The following CAMK2D variants were observed in gnomAD, a reference collection of about 807,000 sequenced individuals.
CAMK2D encodes calcium/calmodulin-dependent protein kinase type II subunit delta.
In CAMK2D, 37 loss-of-function variants were observed where a neutral mutation model predicts 84.0. That is an observed-to-expected ratio of 0.44 (90% CI 0.34 to 0.58). CAMK2D has a LOEUF of 0.58. CAMK2D is among the 20% of genes least tolerant of loss of function. The probability of loss-of-function intolerance (pLI) is 0.02; values close to 1 mark genes in which losing one functional copy is unlikely to be tolerated. For synonymous variants in CAMK2D, 202 were observed against 212.5 expected (o/e 0.95, Z 0.43); for missense variants, 448 against 652.5 (o/e 0.69, Z 3.41).
chr4:113,697,822 C>G (rs1242197049), intron 2 of CAMK2D, among the ~76,000 whole-genome samples: 1 of 152,038 alleles, frequency 6.6e-6, no homozygotes, highest in African/African-American at 2.4e-5. Context: ...GAATTAAACT[C>G]CGAAGAACAA....
intron 2 of CAMK2D, among the ~76,000 whole-genome samples, chr4:113,711,403 CT>C (rs1363354169): frequency 6.6e-6 from 1 of 151,892 alleles, no homozygotes; most frequent in Non-Finnish European, 1.5e-5. Context: ...GAAAATAATA[CT>C]GAGAAATAAA....
chr4:113,624,433 T>C (rs999428119), intron 3 of CAMK2D, among the ~76,000 whole-genome samples: 1 of 152,230 alleles, frequency 6.6e-6, no homozygotes, highest in Non-Finnish European at 1.5e-5. Context: ...TTTGCTGTTG[T>C]ACTTACATGC....
chr4:113,575,393 C>G (rs1026858925), intron 4 of CAMK2D, among the ~76,000 whole-genome samples: 2 of 152,136 alleles, frequency 1.3e-5, no homozygotes, highest in Non-Finnish European at 1.5e-5. Context: ...AGCTCCAAAA[C>G]TTTATTTAAT....
At chr4:113,746,700 T>C (rs1029973811) in intron 2 of CAMK2D, among the ~76,000 whole-genome samples, 2 of 152,120 alleles carry the variant, frequency 1.3e-5, no homozygotes, top group Admixed American at 6.6e-5. Context: ...GTCTCAATCC[T>C]ATCTATAGGA....
chr4:113,629,985 G>C (rs533889815), intron 3 of CAMK2D, among the ~76,000 whole-genome samples: 53 of 151,898 alleles, frequency 3.5e-4, no homozygotes, highest in Admixed American at 6.6e-4. Flanking sequence ...GCAGTATGAT[G>C]AATCAGGCTC....
At chr4:113,689,796 CAA>C (rs892864978) in intron 2 of CAMK2D, among the ~76,000 whole-genome samples, 2 of 152,176 alleles carry the variant, frequency 1.3e-5, no homozygotes, top group African/African-American at 4.8e-5. Context: ...CATTTTATCA[CAA>C]GTTTGACAAC....
rs549189416 is a variant in CAMK2D at position 113,566,667 on chromosome 4, T to C, written c.276-14571A>G. On this transcript the variant is annotated intron_variant, in intron 4 of 20. Coordinates refer to ENST00000511664, the MANE Select transcript of CAMK2D (RefSeq NM_001321571.2). Reference sequence around the variant, plus strand: ...GGACTTGGGATGTTTCATGCCACACTGGCCTTTGTTCTGCTCCTCATTGAA... The same window carrying C: ...GGACTTGGGATGTTTCATGCCACACCGGCCTTTGTTCTGCTCCTCATTGAA... Among the ~76,000 whole-genome samples, 3 of 152,302 alleles carry C rather than the reference T, an allele frequency of 2.0e-5. No individual in the cohort carries two copies. In the South Asian group the frequency reaches 6.2e-4, roughly 32 times the overall value.
intron 16 of CAMK2D, among the ~76,000 whole-genome samples, chr4:113,498,183 G>C (rs2097968999): frequency 6.6e-6 from 1 of 152,178 alleles, no homozygotes; most frequent in South Asian, 2.1e-4. Flanking sequence ...GTAAAAATAA[G>C]AGAGCATAAT....
At position 113,756,758 on chromosome 4, in the gene CAMK2D, C is replaced by T. The variant is rs79558148; in HGVS notation, c.160+2562G>A. Among the ~76,000 whole-genome samples the T allele has an allele frequency of 2.2e-3, 329 of 152,138 alleles. 1 individual carries two copies. The highest frequency in any genetic ancestry group is 4.1e-3 in the South Asian group (20 of 4,826). On this transcript the variant is annotated intron_variant, in intron 2 of 20. Coordinates refer to ENST00000511664, the MANE Select transcript of CAMK2D (RefSeq NM_001321571.2). ...ATTCTTGTTACTCTGTACTGAGCCC[C>T]TTCTATGCTCTCAATTCTGTGGAAT...
intron 2 of CAMK2D, among the ~76,000 whole-genome samples, chr4:113,746,022 G>T (rs977474903): frequency 6.6e-6 from 1 of 152,188 alleles, no homozygotes; most frequent in Non-Finnish European, 1.5e-5. Flanking sequence ...GGAAATGTCT[G>T]AAGGTCTTTG....
intron 2 of CAMK2D, among the ~76,000 whole-genome samples, chr4:113,682,237 T>G (rs1327189822): frequency 6.6e-6 from 1 of 152,146 alleles, no homozygotes; most frequent in Non-Finnish European, 1.5e-5. Flanking sequence ...AATTTATTCA[T>G]TTTTTAAAAA....
At chr4:113,582,967 T>C (rs966867890) in intron 4 of CAMK2D, among the ~76,000 whole-genome samples, 4 of 152,240 alleles carry the variant, frequency 2.6e-5, no homozygotes, top group Admixed American at 6.5e-5. Context: ...GCATTCCCTA[T>C]TGGGGCAGAG....
intron 4 of CAMK2D, among the ~76,000 whole-genome samples, chr4:113,573,103 T>C (rs2098762445): frequency 6.6e-6 from 1 of 152,204 alleles, no homozygotes; most frequent in Non-Finnish European, 1.5e-5. Flanking sequence ...CTGGACTTAA[T>C]ACATTAGTGA....
intron 3 of CAMK2D, among the ~76,000 whole-genome samples, chr4:113,631,904 C>T (rs973196425): frequency 1.3e-5 from 2 of 152,110 alleles, no homozygotes; most frequent in African/African-American, 4.8e-5. Context: ...TTTACATACA[C>T]TTGAAAGTTT....
At chr4:113,745,779 C>T (rs1478399241) in intron 2 of CAMK2D, among the ~76,000 whole-genome samples, 4 of 152,014 alleles carry the variant, frequency 2.6e-5, no homozygotes, top group Non-Finnish European at 5.9e-5. Context: ...GATTTCTGAC[C>T]CAGAAAGCTG....
chr4:113,711,879 A>C (rs1442905362), intron 2 of CAMK2D, among the ~76,000 whole-genome samples: 1 of 152,250 alleles, frequency 6.6e-6, no homozygotes, highest in African/African-American at 2.4e-5. Context: ...AAATAACGTT[A>C]CCATTTTCAT....
At chr4:113,727,667 C>T (rs2099550310) in intron 2 of CAMK2D, among the ~76,000 whole-genome samples, 1 of 152,010 alleles carries the variant, frequency 6.6e-6, no homozygotes, top group Non-Finnish European at 1.5e-5. Flanking sequence ...ACAAATTGGA[C>T]TTCAATCAAT....
At chr4:113,581,529 A>AAGAG (rs1553973874) in intron 4 of CAMK2D, among the ~76,000 whole-genome samples, 1 of 121,878 alleles carries the variant, frequency 8.2e-6, no homozygotes, top group Non-Finnish European at 1.6e-5. Flanking sequence ...AAAAAAAAAA[A>AAGAG]AAAAGAAAAG....
chr4:113,514,220 C>G (rs2098255277), intron 10 of CAMK2D, among the ~76,000 whole-genome samples: 1 of 152,154 alleles, frequency 6.6e-6, no homozygotes, highest in Non-Finnish European at 1.5e-5. Flanking sequence ...TGAGACCAGC[C>G]TGGCCAACAT....
Sources: allele counts gnomAD v4.1 joint callset (sites outside exome capture counted in the v4.1 genomes callset), GRCh38; gene constraint gnomAD v4.1.1; transcripts MANE v1.5; gene names NCBI Gene and HGNC (gene_info 2026-07-23, HGNC 2026-07-21).